CHST8: variants seen among roughly 807,000 people sequenced by gnomAD.
CHST8 encodes GALNAC-4-ST1.
CHST8 carries 10 observed loss-of-function variants against 15.0 expected under a neutral mutation model. That is an observed-to-expected ratio of 0.67 (90% CI 0.41 to 1.13). The LOEUF is 1.13. CHST8 is among the 50% of genes most tolerant of loss of function. CHST8 has a pLI of 0.00. For missense variants in CHST8, 634 were observed against 608.2 expected (o/e 1.04, Z -0.45); for synonymous variants, 259 against 256.6 (o/e 1.01, Z -0.09).
chr19:33,757,522 GA>G (rs1485630050), intron 3 of CHST8, among the ~76,000 whole-genome samples: 6 of 21,122 alleles, frequency 2.8e-4, no homozygotes, highest in African/African-American at 1.4e-3. Flanking sequence ...AAGAAAGAAA[GA>G]GAAAGAAAGA....
At chr19:33,638,249 G>A (rs1972231889) in intron 1 of CHST8, among the ~76,000 whole-genome samples, 1 of 152,148 alleles carries the variant, frequency 6.6e-6, no homozygotes, top group African/African-American at 2.4e-5. Context: ...GACTTGTGTG[G>A]CATTATTCTA....
intron 1 of CHST8, among the ~76,000 whole-genome samples, chr19:33,659,080 T>TTTTTTTTTTTTTG: frequency 6.8e-6 from 1 of 147,056 alleles, no homozygotes. Flanking sequence ...TTTTTTTTTT[T>TTTTTTTTTTTTTG]TTGAGATGGC....
At chr19:33,689,542 A>AAGCC in intron 3 of CHST8, 151 bp downstream of exon 3, 1 of 914,790 alleles carries the variant, frequency 1.1e-6, no homozygotes, top group Non-Finnish European at 1.6e-6. Flanking sequence ...CTTCCCGGGG[A>AAGCC]AGGCGTTAGT....
intron 3 of CHST8, among the ~76,000 whole-genome samples, chr19:33,749,908 G>A (rs1974382143): frequency 1.3e-5 from 2 of 152,218 alleles, no homozygotes; most frequent in African/African-American, 4.8e-5. Flanking sequence ...TCATCGTGCA[G>A]CAGCCATTGG....
At chr19:33,771,009 G>A (rs752047437) in intron 3 of CHST8, among the ~76,000 whole-genome samples, 6 of 152,128 alleles carry the variant, frequency 3.9e-5, no homozygotes, top group Non-Finnish European at 5.9e-5. Flanking sequence ...AGAGAGAGTG[G>A]ATCGAGCTTT....
At chr19:33,725,486 C>T (rs541741868) in intron 3 of CHST8, among the ~76,000 whole-genome samples, 3 of 152,310 alleles carry the variant, frequency 2.0e-5, no homozygotes, top group African/African-American at 2.4e-5. Context: ...GGCCTCGAGG[C>T]GCCAGTACCA....
intron 3 of CHST8, among the ~76,000 whole-genome samples, chr19:33,699,396 G>A (rs1380982847): frequency 6.6e-6 from 1 of 152,164 alleles, no homozygotes; most frequent in East Asian, 1.9e-4. Context: ...GGCGCCTGGG[G>A]GACACTTAAG....
chr19:33,627,948 A>G (rs10775580), intron 1 of CHST8, among the ~76,000 whole-genome samples: 140,276 of 152,274 alleles, frequency 0.92, 65,089 homozygotes, highest in African/African-American at 0.98. Flanking sequence ...TTAATAAAAA[A>G]AATGACTAAT....
At chr19:33,716,403 G>A (rs1223576476) in intron 3 of CHST8, among the ~76,000 whole-genome samples, 1 of 152,108 alleles carries the variant, frequency 6.6e-6, no homozygotes, top group African/African-American at 2.4e-5. Flanking sequence ...GTCTCACTCG[G>A]TCACCCAGAC....
intron 1 of CHST8, among the ~76,000 whole-genome samples, chr19:33,634,651 G>GT (rs565133027): frequency 0.01 from 572 of 54,830 alleles, 3 homozygotes; most frequent in African/African-American, 0.027. Flanking sequence ...TTCTAGGGCT[G>GT]TTTTTTTTTT....
At chr19:33,713,753 G>T (rs1286657615) in intron 3 of CHST8, among the ~76,000 whole-genome samples, 7 of 152,100 alleles carry the variant, frequency 4.6e-5, no homozygotes, top group Admixed American at 4.6e-4. Context: ...TAGCGACAGG[G>T]TTTCACCATG....
At chr19:33,685,562 A>T (rs1376002122) in intron 2 of CHST8, among the ~76,000 whole-genome samples, 1 of 152,086 alleles carries the variant, frequency 6.6e-6, no homozygotes, top group Non-Finnish European at 1.5e-5. Context: ...GGATGGGTGT[A>T]AGCAGGTGAA....
chr19:33,660,444 G>A (rs2145220961), intron 1 of CHST8, among the ~76,000 whole-genome samples: 1 of 152,286 alleles, frequency 6.6e-6, no homozygotes, highest in Admixed American at 6.5e-5. Flanking sequence ...GAGATGGGCA[G>A]GACTCGTTTC....
In CHST8 at chr19:33,625,600, G is replaced by A. The variant is rs572015726; in HGVS notation, c.-164+3304G>A. On this transcript the variant is annotated intron_variant, in intron 1 of 4. Coordinates refer to ENST00000650847, the MANE Select transcript of CHST8 (RefSeq NM_001127895.2). ...AGATCGGCCAGGCACGGTGGCTCACGCCTGTAATCCCAGCACTTTGGGAGG... is the reference window on the plus strand; with the variant it reads ...AGATCGGCCAGGCACGGTGGCTCACACCTGTAATCCCAGCACTTTGGGAGG... Among the ~76,000 whole-genome samples, 8 of 152,170 alleles carry A rather than the reference G, an allele frequency of 5.3e-5. No individual in the cohort carries two copies. The South Asian group carries it at 1.7e-3, about 32-fold the overall frequency.
In CHST8 at chr19:33,626,896, C is replaced by T. The variant is rs572143499; in HGVS notation, c.-164+4600C>T. 3.3e-5 allele frequency among the ~76,000 whole-genome samples: 5 copies of T among 151,460 alleles called. No homozygotes were observed. In the East Asian group the frequency reaches 9.8e-4, roughly 30 times the overall value. Reference sequence around the variant, plus strand: ...CTTGAACTTCCAGGCTCAAACAATCCTCCTGCTTCAGCCTCTTGAGTAGCT... The same window carrying T: ...CTTGAACTTCCAGGCTCAAACAATCTTCCTGCTTCAGCCTCTTGAGTAGCT... On this transcript the variant is annotated intron_variant, in intron 1 of 4. Transcript: ENST00000650847.
intron 1 of CHST8, among the ~76,000 whole-genome samples, chr19:33,622,971 GAC>G (rs1399336726): frequency 6.6e-6 from 1 of 152,150 alleles, no homozygotes; most frequent in East Asian, 1.9e-4. Flanking sequence ...TTGGCCGCGG[GAC>G]CGAGCCGAGC....
chr19:33,740,805 G>A (rs1266434697), intron 3 of CHST8, among the ~76,000 whole-genome samples: 2 of 152,124 alleles, frequency 1.3e-5, no homozygotes, highest in African/African-American at 4.8e-5. Flanking sequence ...TGAACTTATC[G>A]GCATCTTGTG....
intron 3 of CHST8, among the ~76,000 whole-genome samples, chr19:33,751,959 G>A (rs1288491587): frequency 1.3e-5 from 2 of 152,182 alleles, no homozygotes; most frequent in Non-Finnish European, 2.9e-5. Context: ...GGGTAGCAGC[G>A]TGGTGTTTCC....
At chr19:33,724,297 C>T (rs1330565004) in intron 3 of CHST8, among the ~76,000 whole-genome samples, 1 of 152,176 alleles carries the variant, frequency 6.6e-6, no homozygotes, top group Non-Finnish European at 1.5e-5. Context: ...CCTGGGACCT[C>T]CACCATCCTC....
Sources: allele counts gnomAD v4.1 joint callset (sites outside exome capture counted in the v4.1 genomes callset), GRCh38; gene constraint gnomAD v4.1.1; transcripts MANE v1.5; gene names NCBI Gene and HGNC (gene_info 2026-07-23, HGNC 2026-07-21).